Variants in ZZZ3 observed in about 807,000 individuals in gnomAD.
ZZZ3 encodes zinc finger ZZ-type containing 3.
In ZZZ3, 22 loss-of-function variants were observed where a neutral mutation model predicts 95.2. That is an observed-to-expected ratio of 0.23 (90% CI 0.17 to 0.33). The LOEUF is 0.33. Ranked by LOEUF, ZZZ3 falls within the 10% of genes least tolerant of loss-of-function variation. ZZZ3 has a pLI of 1.00. For synonymous variants in ZZZ3, 335 were observed against 358.9 expected (o/e 0.93, Z 0.75); for missense variants, 885 against 1,066.5 (o/e 0.83, Z 2.37).
rs560407989 is a variant in ZZZ3, at chr1:77,570,037, T to C, written c.2332-1571A>G. 1.2e-4 allele frequency among the ~76,000 whole-genome samples: 18 copies of C among 152,358 alleles called. No individual in the cohort carries two copies. The South Asian group carries it at 3.7e-3, about 32-fold the overall frequency. On this transcript the variant is annotated intron_variant, in intron 12 of 14. Transcript: ENST00000370801. Reference sequence around the variant, plus strand: ...GGTATTAAGTGCTATGTTTATTTTATATCAAGTAAACAAAAGCTTACACAA... The same window carrying C: ...GGTATTAAGTGCTATGTTTATTTTACATCAAGTAAACAAAAGCTTACACAA...
chr1:77,595,116 T>C (rs1029760392), intron 5 of ZZZ3, among the ~76,000 whole-genome samples: 2 of 151,974 alleles, frequency 1.3e-5, no homozygotes, highest in African/African-American at 4.8e-5. Flanking sequence ...GAGGCACATA[T>C]AACCAACATG....
chr1:77,625,181 G>C (rs1667227271), intron 5 of ZZZ3, among the ~76,000 whole-genome samples: 1 of 152,154 alleles, frequency 6.6e-6, no homozygotes, highest in Non-Finnish European at 1.5e-5. Flanking sequence ...AATTGTTTTA[G>C]ATGGGGTTTA....
At chr1:77,568,513 T>G in intron 12 of ZZZ3, 47 bp from the exon 13 acceptor site, 1 of 1,009,210 alleles carries the variant, frequency 9.9e-7, no homozygotes. Context: ...GTAATTAAAA[T>G]GAATTAAGTG....
intron 1 of ZZZ3, among the ~76,000 whole-genome samples, chr1:77,676,524 T>C (rs764146483): frequency 9.9e-5 from 15 of 152,222 alleles, no homozygotes; most frequent in Admixed American, 2.0e-4. Context: ...GAAATTTTCA[T>C]TTAATGCAAC....
chr1:77,633,662 T>C (rs1322470394), intron 4 of ZZZ3, among the ~76,000 whole-genome samples: 2 of 152,190 alleles, frequency 1.3e-5, no homozygotes, highest in Non-Finnish European at 2.9e-5. Context: ...TTAACTCACT[T>C]AAGTCTCACA....
chr1:77,627,801 G>A (rs956746132), intron 5 of ZZZ3, among the ~76,000 whole-genome samples: 1 of 152,118 alleles, frequency 6.6e-6, no homozygotes, highest in Non-Finnish European at 1.5e-5. Flanking sequence ...ATCTTTGTAA[G>A]AGCTCAAGAA....
At chr1:77,585,279 T>C (rs768330218) in intron 5 of ZZZ3, among the ~76,000 whole-genome samples, 106 of 152,354 alleles carry the variant, frequency 7.0e-4, no homozygotes, top group Non-Finnish European at 1.1e-3. Flanking sequence ...GCCATAAAGA[T>C]ATTTATACTT....
chr1:77,622,473 T>G (rs900646786), intron 5 of ZZZ3, among the ~76,000 whole-genome samples: 11 of 151,778 alleles, frequency 7.2e-5, no homozygotes, highest in African/African-American at 2.7e-4. Flanking sequence ...ACATTTAAAT[T>G]TATTTAAAAA....
chr1:77,568,603 T>G, intron 12 of ZZZ3, 137 bp from the exon 13 acceptor site: 1 of 476,686 alleles, frequency 2.1e-6, no homozygotes. Context: ...AGAAAATTAG[T>G]GCTGTTATTA....
intron 1 of ZZZ3, among the ~76,000 whole-genome samples, chr1:77,649,797 G>A (rs866300139): frequency 4.6e-5 from 7 of 151,400 alleles, no homozygotes; most frequent in South Asian, 4.2e-4. Flanking sequence ...CAGGAGAATC[G>A]CTTGAACCCA....
rs570009350 is a variant in ZZZ3 at position 77,622,796 on chromosome 1, T to C, written c.1505+9054A>G. On this transcript the variant is annotated intron_variant, in intron 5 of 14. Transcript: ENST00000370801. ...TAAAACAAGTAGGTAGAAGTTACCA[T>C]CATTCTTCAATTAAAATTCTTACTG... 1.2e-3 allele frequency among the ~76,000 whole-genome samples: 185 copies of C among 152,310 alleles called. 2 individuals are homozygous for C. The highest frequency in any genetic ancestry group is 4.2e-3 in the African/African-American group (174 of 41,564).
At chr1:77,603,679 T>C (rs1664957879) in intron 5 of ZZZ3, among the ~76,000 whole-genome samples, 2 of 152,124 alleles carry the variant, frequency 1.3e-5, no homozygotes, top group Admixed American at 1.3e-4. Flanking sequence ...AATCTACATT[T>C]TTAACAGGAC....
In ZZZ3 at chr1:77,576,104, A is replaced by C. The variant is rs760979816; in HGVS notation, c.2295T>G (p.Phe765Leu). 79 of 1,612,236 alleles carry C rather than the reference A, an allele frequency of 4.9e-5. 1 individual carries two copies. The highest frequency in any genetic ancestry group is 3.3e-4 in the Middle Eastern group (2 of 6,076). ...YMDEDDDRSC[F>L]HSHMNTAVED... ...CAACAGCAGTGTTCATGTGGCTATG[A>C]AAACAAGATCGGTCATCATCTTCAT... The change falls in exon 12 of 15, where the codon TTT becomes TTG. Residue 765 changes from phenylalanine to leucine, a missense_variant. By Grantham distance (22) the Phe-to-Leu change is conservative. This residue lies in a region of ZZZ3 where 221 missense variants were observed against 247.8 expected (regional missense o/e 0.89). Coordinates refer to ENST00000370801, the MANE Select transcript of ZZZ3 (RefSeq NM_015534.6).
Position 77,566,145 on chromosome 1 carries a change from G to A in ZZZ3, c.2503C>T (p.Arg835Trp), listed in dbSNP as rs754545781. 3.1e-6 allele frequency: 5 copies of A among 1,612,964 alleles called. No individual in the cohort carries two copies. The highest frequency in any genetic ancestry group is 2.2e-5 in the East Asian group (1 of 44,856). ...NCGIEPIQGV[R>W]WHCQDCPPEM... The stretch of plus-strand genomic sequence containing the variant: ...GGAGGACAATCCTGGCAATGCCACC[G>A]AACACCCTGGATGGGTTCTATGCCA... The change falls in exon 14 of 15, where the codon CGG becomes TGG. Residue 835 changes from arginine (R) to tryptophan (W), a missense_variant. This residue lies in a region of ZZZ3 where 221 missense variants were observed against 247.8 expected (regional missense o/e 0.89). Coordinates refer to ENST00000370801, the MANE Select transcript of ZZZ3 (RefSeq NM_015534.6).
rs530070844 is a variant in ZZZ3, at chr1:77,581,208, T to G, written c.1909-139A>C. ...AAATTTGTTTTTTAATGTATATGCT[T>G]TTTTTTTAACTGTTTACAAAATGCC... On this transcript the variant is annotated intron_variant, in intron 8 of 14. Coordinates refer to ENST00000370801, the MANE Select transcript of ZZZ3 (RefSeq NM_015534.6). 1.2e-3 allele frequency: 798 copies of G among 676,362 alleles called. 15 individuals are homozygous for G. In the South Asian group the frequency reaches 0.014, roughly 12 times the overall value. 41.9% of individuals were successfully genotyped at this position (676,362 alleles called of 1,614,324 possible). A position where few individuals can be genotyped will look rare whatever the true frequency, so the allele number is the denominator to read the frequency against.
At chr1:77,591,413 G>A (rs1663684428) in intron 5 of ZZZ3, among the ~76,000 whole-genome samples, 1 of 151,992 alleles carries the variant, frequency 6.6e-6, no homozygotes, top group Non-Finnish European at 1.5e-5. Flanking sequence ...CACAATCATA[G>A]GTCACTGCAG....
At chr1:77,584,965 A>AT (rs1662942536) in intron 5 of ZZZ3, 1 of 173,404 alleles carries the variant, frequency 5.8e-6, no homozygotes, top group Admixed American at 6.1e-5. Flanking sequence ...AAACTGCTAG[A>AT]TAAAAAAAAT....
chr1:77,652,420 C>T (rs1016975723), intron 1 of ZZZ3, among the ~76,000 whole-genome samples: 5 of 152,038 alleles, frequency 3.3e-5, no homozygotes, highest in African/African-American at 1.2e-4. Flanking sequence ...ACTAGTATTG[C>T]TATAATAAAA....
intron 1 of ZZZ3, among the ~76,000 whole-genome samples, chr1:77,643,034 A>G (rs1668926263): frequency 6.6e-6 from 1 of 152,132 alleles, no homozygotes. Flanking sequence ...CAACAAAGTG[A>G]GGCCTCATCT....
Sources: gnomAD v4.1 joint callset for allele counts (sites outside exome capture counted in the v4.1 genomes callset) on GRCh38, gnomAD v4.1.1 for gene constraint, gnomAD v4.1.1 regional missense constraint, MANE v1.5 for transcripts, NCBI Gene and HGNC (gene_info 2026-07-23, HGNC 2026-07-21) for gene names.